The following ZNF274 variants were observed in gnomAD, a reference collection of about 807,000 sequenced individuals.
ZNF274 encodes the protein neurotrophin receptor-interacting factor homolog.
Under a neutral mutation model 42.5 loss-of-function variants are expected in ZNF274, and 23 were observed. The observed-to-expected ratio is 0.54, with a 90% CI of 0.39 to 0.77. The LOEUF is 0.77. ZNF274 is among the 30% of genes least tolerant of loss of function. ZNF274 has a pLI of 0.00. For missense variants in ZNF274, 679 were observed against 806.5 expected (o/e 0.84, Z 1.91); for synonymous variants, 292 against 305.4 (o/e 0.96, Z 0.46).
At chr19:58,201,171 A>ATT (rs35433225) in intron 4 of ZNF274, among the ~76,000 whole-genome samples, 22 of 112,698 alleles carry the variant, frequency 2.0e-4, no homozygotes, top group Admixed American at 1.9e-4. Flanking sequence ...CGCCTGGCTA[A>ATT]TTTTTTTTTT....
intron 4 of ZNF274, among the ~76,000 whole-genome samples, chr19:58,199,967 A>C (rs151022048): frequency 3.3e-5 from 5 of 152,160 alleles, no homozygotes; most frequent in African/African-American, 9.7e-5. Flanking sequence ...CTAGCCATCA[A>C]CCTCTGGAGA....
Position 58,207,296 on chromosome 19 carries a change from A to C in ZNF274, c.739+94A>C. 66 of 1,470,780 alleles carry C rather than the reference A, an allele frequency of 4.5e-5. No individual in the cohort carries two copies. Among genetic ancestry groups the C allele is most frequent in the Non-Finnish European group, 5.7e-5 (63 of 1,107,874 alleles). 91.1% of individuals were successfully genotyped at this position (1,470,780 alleles called of 1,614,324 possible). On this transcript the variant is annotated intron_variant, in intron 5 of 7. Transcript: ENST00000617501. The surrounding 1 kb of genome is among the most constrained non-coding windows in gnomAD (Gnocchi z 5.6). ...GAACTCCAGGCTTCCTAGGAAGGTC[A>C]TGGGAAGGATTGTGTCCGCTCCATA...
In ZNF274 at chr19:58,212,786, T is replaced by C; in HGVS notation, c.1605T>C (p.Tyr535=). ...HKKIHTGERP[Y]VCQDCGKGFV... ...AAATCCATACCGGAGAGAGGCCCTATGTGTGTCAAGACTGTGGGAAAGGAT... is the reference window on the plus strand; with the variant it reads ...AAATCCATACCGGAGAGAGGCCCTACGTGTGTCAAGACTGTGGGAAAGGAT... The change falls in exon 8 of 8, where the codon TAT becomes TAC. Residue 535 remains tyrosine (Y), a synonymous_variant. Transcript: ENST00000617501. This position sits in a 1 kb window ranked among gnomAD's most constrained non-coding sequence, Gnocchi z 4.6. The C allele has an allele frequency of 8.7e-6, 14 of 1,614,030 alleles. No individual in the cohort carries two copies. Among genetic ancestry groups the C allele is most frequent in the Non-Finnish European group, 1.2e-5 (14 of 1,179,906 alleles).
intron 4 of ZNF274, among the ~76,000 whole-genome samples, chr19:58,192,507 T>C (rs2075789678): frequency 6.6e-6 from 1 of 152,186 alleles, no homozygotes; most frequent in African/African-American, 2.4e-5. Context: ...ACATATTTCA[T>C]ACGTAAAGTC....
chr19:58,198,235 A>G (rs2075866791), intron 4 of ZNF274, among the ~76,000 whole-genome samples: 1 of 152,232 alleles, frequency 6.6e-6, no homozygotes. Context: ...TAAATAACCA[A>G]CCAGTAAACC....
rs1242512416 is a variant in ZNF274, at chr19:58,213,129, C to G, written c.1948C>G (p.Gln650Glu). 2.5e-6 allele frequency: 4 copies of G among 1,609,058 alleles called. No individual in the cohort carries two copies. Among genetic ancestry groups the G allele is most frequent in the Non-Finnish European group, 3.4e-6 (4 of 1,176,968 alleles). The stretch of plus-strand genomic sequence containing the variant: ...CAATAGGACAAAGCGAAAGAAGAAA[C>G]AGCCTACCTCATAGCTCTCAAGCCA... ...THNRTKRKKKQPTS is the reference protein window; with the variant it reads ...THNRTKRKKKEPTS Residue 650 changes from glutamine (Q) to glutamate (E), a missense_variant, in exon 8 of 8, where the codon CAG (glutamine) becomes GAG (glutamate). Transcript: ENST00000617501.
chr19:58,207,664 G>T lies in ZNF274; in HGVS notation c.739+462G>T, dbSNP rs953987665. On this transcript the variant is annotated intron_variant, in intron 5 of 7. Coordinates refer to ENST00000617501, the MANE Select transcript of ZNF274 (RefSeq NM_133502.3). The surrounding 1 kb of genome is among the most constrained non-coding windows in gnomAD (Gnocchi z 5.6). ...TGGAACTTGGCCAGGGTAAAGAAAG[G>T]GGGCAGGAAAGATGTGCCATGCAGA... Among the ~76,000 whole-genome samples, 10 of 152,182 alleles carry T rather than the reference G, an allele frequency of 6.6e-5. No homozygotes were observed. Among genetic ancestry groups the T allele is most frequent in the African/African-American group, 2.4e-4 (10 of 41,428 alleles).
chr19:58,187,177 G>A (rs768001640), intron 4 of ZNF274, 135 bp downstream of exon 4: 12 of 712,990 alleles, frequency 1.7e-5, no homozygotes, highest in Non-Finnish European at 2.3e-5. Flanking sequence ...AACCAAACTC[G>A]AAGTTTTTCT....
Position 58,211,699 on chromosome 19 carries a change from C to T in ZNF274, c.979+13C>T, listed in dbSNP as rs1335708183. On this transcript the variant is annotated intron_variant, in intron 7 of 7. Coordinates refer to ENST00000617501, the MANE Select transcript of ZNF274 (RefSeq NM_133502.3). This position sits in a 1 kb window ranked among gnomAD's most constrained non-coding sequence, Gnocchi z 4.8. ...CTGGTCTCTGTGGGTAAGGCTGTGC[C>T]CCCTCTTCACCCACCTCAGGGCTGG... 1 of 1,604,788 alleles carries T rather than the reference C, an allele frequency of 6.2e-7. No individual in the cohort carries two copies. Among genetic ancestry groups the T allele is most frequent in the African/African-American group, 1.3e-5 (1 of 74,808 alleles).
At chr19:58,204,277 C>T (rs912608892) in intron 4 of ZNF274, among the ~76,000 whole-genome samples, 1 of 152,074 alleles carries the variant, frequency 6.6e-6, no homozygotes, top group Non-Finnish European at 1.5e-5. Context: ...ACCGGAAGCC[C>T]GTGTCTCGGA....
intron 4 of ZNF274, chr19:58,202,193 G>A (rs1289108701): frequency 6.6e-6 from 1 of 152,216 alleles, no homozygotes; most frequent in East Asian, 1.9e-4. Context: ...ATTGCTTTTC[G>A]TTATATTTTG....
intron 4 of ZNF274, among the ~76,000 whole-genome samples, chr19:58,196,103 G>A (rs142742805): frequency 4.9e-4 from 74 of 152,302 alleles, no homozygotes; most frequent in African/African-American, 1.7e-3. Context: ...TCTCACTAAT[G>A]TCCCTTCAAG....
In ZNF274 at chr19:58,212,572, C is replaced by T; in HGVS notation, c.1391C>T (p.Ser464Leu). 2.5e-6 allele frequency: 4 copies of T among 1,613,972 alleles called. No homozygotes were observed. Among genetic ancestry groups the T allele is most frequent in the South Asian group, 2.2e-5 (2 of 91,082 alleles). Residue 464 changes from serine (S) to leucine (L), a missense_variant, in exon 8 of 8, where the codon TCA becomes TTA. Physicochemically the swap from Ser to Leu is moderately radical, Grantham distance 145 (BLOSUM62 -2). This residue lies in a region of ZNF274 where 456 missense variants were observed against 590.1 expected (regional missense o/e 0.77). Coordinates refer to ENST00000617501, the MANE Select transcript of ZNF274 (RefSeq NM_133502.3). The surrounding 1 kb of genome is among the most constrained non-coding windows in gnomAD (Gnocchi z 4.6). ...CAAGTTAAAAGTATGAAACATAATT[C>T]ACGTGTAAAAATTCATCAGAAGAGC... ...DSQVKSMKHN[S>L]RVKIHQKSCE...
chr19:58,183,989 C>A lies in ZNF274; in HGVS notation c.24C>A (p.Ala8=). 1 of 1,595,468 alleles carries A rather than the reference C, an allele frequency of 6.3e-7. No individual in the cohort carries two copies. The highest frequency in any genetic ancestry group is 8.5e-7 in the Non-Finnish European group (1 of 1,170,880). ...CTATGGCCTCCAGGCTTCCGACGGC[C>A]TGGTCCTGTGTGAGTAGAGGCTTCC... The part of the protein sequence containing the change: MASRLPT[A]WSCEPVTFED... Residue 8 remains alanine, a synonymous_variant, in exon 2 of 8, where the codon GCC becomes GCA. Coordinates refer to ENST00000617501, the MANE Select transcript of ZNF274 (RefSeq NM_133502.3).
chr19:58,201,440 G>A (rs1600147605), intron 4 of ZNF274, among the ~76,000 whole-genome samples: 2 of 151,996 alleles, frequency 1.3e-5, no homozygotes, highest in East Asian at 1.9e-4. Flanking sequence ...AGATTTGGTA[G>A]GGACACAGAA....
intron 4 of ZNF274, among the ~76,000 whole-genome samples, chr19:58,189,654 A>G (rs529020150): frequency 3.9e-5 from 6 of 152,220 alleles, no homozygotes; most frequent in African/African-American, 1.4e-4. Context: ...TTAGCGATCT[A>G]TTTCTCCAGA....
intron 4 of ZNF274, among the ~76,000 whole-genome samples, chr19:58,190,429 T>G (rs2075766480): frequency 6.6e-6 from 1 of 152,204 alleles, no homozygotes; most frequent in Admixed American, 6.5e-5. Flanking sequence ...AGTCTCTGAC[T>G]TAAATGGAAA....
rs1244492964 is a variant in ZNF274 at position 58,208,890 on chromosome 19, G to A, written c.740-1071G>A. ...AATTCACCCTGTGTTTAACCTCAGG[G>A]GTGAATAAAATAAATTAGTGCCACA... On this transcript the variant is annotated intron_variant, in intron 5 of 7. Transcript: ENST00000617501. The surrounding 1 kb of genome is among the most constrained non-coding windows in gnomAD (Gnocchi z 4.5). 6.6e-6 allele frequency: 1 copy of A among 152,166 alleles called. No homozygotes were observed. The highest frequency in any genetic ancestry group is 1.5e-5 in the Non-Finnish European group (1 of 68,022). 9.4% of individuals were successfully genotyped at this position (152,166 alleles called of 1,614,324 possible).
Position 58,207,293 on chromosome 19 carries a change from G to T in ZNF274, c.739+91G>T, listed in dbSNP as rs2075991480. On this transcript the variant is annotated intron_variant, in intron 5 of 7. Transcript: ENST00000617501. This position sits in a 1 kb window ranked among gnomAD's most constrained non-coding sequence, Gnocchi z 5.6. The stretch of plus-strand genomic sequence containing the variant: ...TAAGAACTCCAGGCTTCCTAGGAAG[G>T]TCATGGGAAGGATTGTGTCCGCTCC... 2.0e-6 allele frequency: 3 copies of T among 1,474,704 alleles called. No homozygotes were observed. Among genetic ancestry groups the T allele is most frequent in the African/African-American group, 1.4e-5 (1 of 70,788 alleles). The allele number at this position is 1,474,704 out of a possible 1,614,324, so 91.4% of individuals were successfully genotyped here. A position where few individuals can be genotyped will look rare whatever the true frequency, so the allele number is the denominator to read the frequency against.
Sources: gnomAD v4.1 joint callset for allele counts (sites outside exome capture counted in the v4.1 genomes callset) on GRCh38, gnomAD v4.1.1 for gene constraint, gnomAD v4.1.1 regional missense constraint, Gnocchi (gnomAD v3.1) non-coding constraint, MANE v1.5 for transcripts, NCBI Gene and HGNC (gene_info 2026-07-23, HGNC 2026-07-21) for gene names.